ZNF469: variants seen among roughly 807,000 people sequenced by gnomAD.
The protein encoded by ZNF469 is zinc finger protein 469.
A neutral mutation model predicts 1.0 loss-of-function variants in ZNF469; 1 was observed. The ratio of observed to expected loss-of-function variants is 1.00; its 90% CI spans 0.35 to 4.73. ZNF469 has a LOEUF of 4.73. Ranked by LOEUF, ZNF469 falls within the 30% of genes most tolerant of loss-of-function variation. The pLI is 0.16. For synonymous variants in ZNF469, 2,703 were observed against 2,363.4 expected (o/e 1.14, Z -4.17); for missense variants, 6,100 against 5,356.3 (o/e 1.14, Z -4.33).
At chr16:88,149,704 G>A in the ZNF469 span, among the ~76,000 whole-genome samples, 4 of 152,162 alleles carry the variant, frequency 2.6e-5, no homozygotes, top group African/African-American at 7.2e-5. Context: ...CCGGAGACAC[G>A]GATGATGCCA....
At chr16:88,364,764 G>A in the ZNF469 span, among the ~76,000 whole-genome samples, 7 of 151,334 alleles carry the variant, frequency 4.6e-5, no homozygotes. Flanking sequence ...AGGAGTTCAA[G>A]ACCAGCCTGG....
the ZNF469 span, among the ~76,000 whole-genome samples, chr16:88,110,884 C>G: frequency 6.6e-6 from 1 of 152,228 alleles, no homozygotes; most frequent in Non-Finnish European, 1.5e-5. Flanking sequence ...TGCAGCCGGG[C>G]TCTGTGGGGC....
At chr16:88,145,438 C>A in the ZNF469 span, among the ~76,000 whole-genome samples, 1,204 of 152,372 alleles carry the variant, frequency 7.9e-3, 19 homozygotes, top group African/African-American at 0.027. Flanking sequence ...TGGAATCCCA[C>A]AGCACTAGCT....
intron 1 of ZNF469, among the ~76,000 whole-genome samples, chr16:88,406,668 G>C (rs866728357): frequency 6.6e-6 from 1 of 152,214 alleles, no homozygotes; most frequent in East Asian, 1.9e-4. Flanking sequence ...GAGGGCCGCA[G>C]AGTCCTCTCC....
chr16:88,220,396 T>G, the ZNF469 span, among the ~76,000 whole-genome samples: 1 of 152,200 alleles, frequency 6.6e-6, no homozygotes, highest in African/African-American at 2.4e-5. Flanking sequence ...AGATGATTTG[T>G]GGATGATTTG....
chr16:88,154,756 T>C, the ZNF469 span, among the ~76,000 whole-genome samples: 1 of 152,172 alleles, frequency 6.6e-6, no homozygotes, highest in African/African-American at 2.4e-5. Context: ...ATCTGCCACA[T>C]CACAGGCAGC....
At chr16:88,337,150 G>A in the ZNF469 span, among the ~76,000 whole-genome samples, 373 of 152,294 alleles carry the variant, frequency 2.4e-3, no homozygotes, top group African/African-American at 7.9e-3. Context: ...GTTCACACCT[G>A]GTATGGTTTG....
At chr16:88,111,164 G>A in the ZNF469 span, among the ~76,000 whole-genome samples, 7 of 152,218 alleles carry the variant, frequency 4.6e-5, no homozygotes, top group Non-Finnish European at 8.8e-5. Flanking sequence ...GGGCTGTGAC[G>A]CCACTGCCGA....
the ZNF469 span, among the ~76,000 whole-genome samples, chr16:88,282,258 T>C: frequency 6.6e-6 from 1 of 152,144 alleles, no homozygotes; most frequent in African/African-American, 2.4e-5. Flanking sequence ...GGGGTGCACC[T>C]TGTGGATGGT....
the ZNF469 span, among the ~76,000 whole-genome samples, chr16:88,133,591 T>C: frequency 2.0e-5 from 3 of 151,970 alleles, no homozygotes; most frequent in East Asian, 1.9e-4. Context: ...ATTCAAGCAA[T>C]AAATCAAATC....
chr16:88,171,305 G>A, the ZNF469 span, among the ~76,000 whole-genome samples: 36 of 152,334 alleles, frequency 2.4e-4, no homozygotes, highest in African/African-American at 8.4e-4. Flanking sequence ...CCAGGAGCAT[G>A]TTGAGAATTC....
the ZNF469 span, among the ~76,000 whole-genome samples, chr16:88,154,970 G>C: frequency 6.6e-6 from 1 of 152,218 alleles, no homozygotes; most frequent in African/African-American, 2.4e-5. Context: ...TTCAACCCGT[G>C]CTTTAATGTG....
the ZNF469 span, among the ~76,000 whole-genome samples, chr16:88,220,531 G>A: frequency 3.9e-5 from 6 of 152,260 alleles, no homozygotes; most frequent in East Asian, 1.2e-3. Context: ...GGGGTGAACC[G>A]GGTGCTCTCA....
chr16:88,428,471 C>G lies in ZNF469; in HGVS notation c.1001C>G (p.Pro334Arg). 3 of 1,549,222 alleles carry G rather than the reference C, an allele frequency of 1.9e-6. No homozygotes were observed. The highest frequency in any genetic ancestry group is 2.6e-6 in the Non-Finnish European group (3 of 1,146,800). Residue 334 changes from proline to arginine, a missense_variant, in exon 3 of 3, where the codon CCC (proline) becomes CGC (arginine). Physicochemically the swap from Pro to Arg is moderately radical, Grantham distance 103. Transcript: ENST00000565624. ...CTGCCCACCCAGCCTGCGCCCTCACCCCTGCCCTGCTACCAGGGCCAGCCA... is the reference window on the plus strand; with the variant it reads ...CTGCCCACCCAGCCTGCGCCCTCACGCCTGCCCTGCTACCAGGGCCAGCCA... The part of the protein sequence containing the change: ...YPLPTQPAPS[P>R]LPCYQGQPGG...
chr16:88,338,613 C>G, the ZNF469 span, among the ~76,000 whole-genome samples: 19 of 152,342 alleles, frequency 1.2e-4, no homozygotes, highest in African/African-American at 4.3e-4. Context: ...GAACATTGCC[C>G]CCAAACCCAT....
the ZNF469 span, among the ~76,000 whole-genome samples, chr16:88,156,296 GA>G: frequency 6.6e-6 from 1 of 152,124 alleles, no homozygotes; most frequent in Non-Finnish European, 1.5e-5. Context: ...TCATATATAA[GA>G]AACCATTGCC....
At chr16:88,163,948 G>C in the ZNF469 span, among the ~76,000 whole-genome samples, 1 of 151,236 alleles carries the variant, frequency 6.6e-6, no homozygotes, top group Non-Finnish European at 1.5e-5. Context: ...GGCTGGGTGG[G>C]TGGCTGGATG....
Position 88,435,897 on chromosome 16 carries a change from G to C in ZNF469, c.8427G>C (p.Pro2809=). 4 of 1,550,090 alleles carry C rather than the reference G, an allele frequency of 2.6e-6. No individual in the cohort carries two copies. Among genetic ancestry groups the C allele is most frequent in the African/African-American group, 1.4e-5 (1 of 73,158 alleles). ...GTTTTCCCGAGACTTCCAGCTCTCC[G>C]GCGGACAGCACCACCAGCAGCTGCC... ...PLGFPETSSS[P]ADSTTSSCLQ... Residue 2809 remains proline (P), a synonymous_variant, in exon 3 of 3, where the codon CCG becomes CCC. Coordinates refer to ENST00000565624, the MANE Select transcript of ZNF469 (RefSeq NM_001367624.2).
At chr16:88,236,447 G>C in the ZNF469 span, among the ~76,000 whole-genome samples, 1 of 152,256 alleles carries the variant, frequency 6.6e-6, no homozygotes, top group African/African-American at 2.4e-5. Context: ...ATTCCATAGG[G>C]AGGCGGGTAT....
Sources: allele counts gnomAD v4.1 joint callset (sites outside exome capture counted in the v4.1 genomes callset), GRCh38; gene constraint gnomAD v4.1.1; transcripts MANE v1.5; gene names NCBI Gene and HGNC (gene_info 2026-07-23, HGNC 2026-07-21).